Variants in SCD5 observed in about 807,000 individuals in gnomAD.
The protein encoded by SCD5 is acyl-CoA-desaturase 4.
Under a neutral mutation model 30.4 loss-of-function variants are expected in SCD5, and 20 were observed. The ratio of observed to expected loss-of-function variants is 0.66; its 90% confidence interval spans 0.46 to 0.96. The LOEUF is 0.96. SCD5 is among the 40% of genes least tolerant of loss of function. SCD5 has a pLI of 0.00. For missense variants in SCD5, 381 were observed against 443.3 expected, an observed-to-expected ratio of 0.86 and a Z score of 1.26; for synonymous variants, 173 against 176.4, an observed-to-expected ratio of 0.98 and a Z score of 0.16.
intron 3 of SCD5, among the ~76,000 whole-genome samples, chr4:82,676,114 T>A (rs1245816046): frequency 6.6e-6 from 1 of 152,140 alleles, no homozygotes; most frequent in African/African-American, 2.4e-5. Flanking sequence ...GCCTCCCTGA[T>A]TCCCCTTCTG....
chr4:82,712,280 A>T (rs1176047853), intron 1 of SCD5, among the ~76,000 whole-genome samples: 1 of 46,562 alleles, frequency 2.1e-5, no homozygotes, highest in African/African-American at 1.2e-4. Flanking sequence ...ATATATATAT[A>T]TATATATATA....
At chr4:82,642,041 C>T (rs910998751) in intron 3 of SCD5, among the ~76,000 whole-genome samples, 3 of 151,946 alleles carry the variant, frequency 2.0e-5, no homozygotes, top group Non-Finnish European at 4.4e-5. Context: ...TGAGATGTGC[C>T]CTAGAGAGAG....
intron 1 of SCD5, among the ~76,000 whole-genome samples, chr4:82,706,924 AG>A (rs1364871964): frequency 8.5e-5 from 13 of 152,254 alleles, no homozygotes; most frequent in Non-Finnish European, 1.9e-4. Flanking sequence ...AGCTCTTGGG[AG>A]GAAACCAACC....
At chr4:82,654,896 T>C (rs1052060033) in intron 3 of SCD5, among the ~76,000 whole-genome samples, 4 of 150,320 alleles carry the variant, frequency 2.7e-5, no homozygotes, top group Non-Finnish European at 4.4e-5. Context: ...AAAAGAAACA[T>C]GTAAGACCTA....
At chr4:82,785,974 G>T (rs768393704) in intron 1 of SCD5, among the ~76,000 whole-genome samples, 1 of 152,088 alleles carries the variant, frequency 6.6e-6, no homozygotes, top group Non-Finnish European at 1.5e-5. Context: ...CTATTAGAGG[G>T]GTGGGTTGAT....
chr4:82,711,323 G>A (rs533810998), intron 1 of SCD5, among the ~76,000 whole-genome samples: 47 of 147,606 alleles, frequency 3.2e-4, no homozygotes, highest in Non-Finnish European at 4.9e-4. Flanking sequence ...ACATTATTGG[G>A]TGTTGCAACC....
In SCD5 at chr4:82,795,383, TG is replaced by T. The variant is rs1453238687; in HGVS notation, c.232+2922del. On this transcript the variant is annotated intron_variant, in intron 1 of 4. Transcript: ENST00000319540. The stretch of plus-strand genomic sequence containing the variant: ...GGAGGTGGTGAAAAAGGGCCTTCAG[TG>T]GGGGGAAATTTGTGGATCAAGGCAC... Among the ~76,000 whole-genome samples, 4 of 152,098 alleles carry T rather than the reference TG, an allele frequency of 2.6e-5. No homozygotes were observed. The East Asian group carries it at 5.8e-4, about 22-fold the overall frequency.
At chr4:82,684,709 C>A (rs1014207314) in intron 2 of SCD5, among the ~76,000 whole-genome samples, 2 of 152,110 alleles carry the variant, frequency 1.3e-5, no homozygotes, top group Non-Finnish European at 2.9e-5. Flanking sequence ...GAATGGAGAT[C>A]AACTGTACTG....
intron 1 of SCD5, among the ~76,000 whole-genome samples, chr4:82,760,796 T>C (rs1325346180): frequency 6.6e-6 from 1 of 152,224 alleles, no homozygotes; most frequent in Non-Finnish European, 1.5e-5. Context: ...CCACCTTGTA[T>C]GGCAATTCAT....
intron 1 of SCD5, among the ~76,000 whole-genome samples, chr4:82,759,641 C>G (rs1195358133): frequency 7.8e-6 from 1 of 128,384 alleles, no homozygotes; most frequent in Non-Finnish European, 1.7e-5. Flanking sequence ...CAGCAAGAAC[C>G]CCGTCTTAAA....
rs1451576309 is a variant in SCD5, at chr4:82,798,794, G to A, written c.-257C>T. The A allele has an allele frequency of 4.6e-6, 2 of 432,048 alleles. No homozygotes were observed. Among genetic ancestry groups the A allele is most frequent in the Admixed American group, 4.5e-5 (1 of 22,332 alleles). 26.8% of individuals were successfully genotyped at this position (432,048 alleles called of 1,614,324 possible). ...GGCTGCCCGGGCTGAACTCGGCCGC[G>A]AGAAAGAGGAGGCGCGCGCGGGGCG... On this transcript the variant is annotated 5_prime_UTR_variant, in exon 1 of 5. Transcript: ENST00000319540.
chr4:82,762,740 C>T (rs1381960326), intron 1 of SCD5, among the ~76,000 whole-genome samples: 1 of 152,146 alleles, frequency 6.6e-6, no homozygotes, highest in African/African-American at 2.4e-5. Context: ...TCTGAAGAAA[C>T]AACATTGTTT....
At chr4:82,692,850 G>A (rs1719589002) in intron 2 of SCD5, among the ~76,000 whole-genome samples, 1 of 152,180 alleles carries the variant, frequency 6.6e-6, no homozygotes, top group South Asian at 2.1e-4. Flanking sequence ...TCAAATCCTG[G>A]CCCCAACCTC....
Position 82,702,130 on chromosome 4 carries a change from C to CTTTTTTTTTTTTTTTT in SCD5, c.363+3137_363+3152dup, listed in dbSNP as rs10701664. 3.3e-4 allele frequency among the ~76,000 whole-genome samples: 21 copies of CTTTTTTTTTTTTTTTT among 64,114 alleles called. 2 individuals are homozygous for CTTTTTTTTTTTTTTTT. Among genetic ancestry groups the CTTTTTTTTTTTTTTTT allele is most frequent in the East Asian group, 8.7e-4 (1 of 1,146 alleles). 42.1% of individuals were successfully genotyped at this position (64,114 alleles called of 152,430 possible). Reference sequence around the variant, plus strand: ...TCAGGCATTCCTGCCCCATCATCATCTTTTTTTTTTTTTTTTTTTTTTTTT... The same window carrying CTTTTTTTTTTTTTTTT: ...TCAGGCATTCCTGCCCCATCATCATCTTTTTTTTTTTTTTTTTTTTTTTTTTTTTTTTTTTTTTTTT... On this transcript the variant is annotated intron_variant, in intron 2 of 4. Coordinates refer to ENST00000319540, the MANE Select transcript of SCD5 (RefSeq NM_001037582.3).
At chr4:82,644,535 T>C (rs1727601958) in intron 3 of SCD5, among the ~76,000 whole-genome samples, 1 of 152,222 alleles carries the variant, frequency 6.6e-6, no homozygotes. Context: ...AACTGAATGA[T>C]ATTTTGGTTA....
chr4:82,666,885 C>T (rs1183974234), intron 3 of SCD5, among the ~76,000 whole-genome samples: 2 of 151,886 alleles, frequency 1.3e-5, no homozygotes, highest in African/African-American at 4.8e-5. Context: ...ACAGAGTTAT[C>T]GAAAGGATAA....
At chr4:82,758,670 G>A (rs1721280923) in intron 1 of SCD5, among the ~76,000 whole-genome samples, 1 of 152,114 alleles carries the variant, frequency 6.6e-6, no homozygotes, top group Non-Finnish European at 1.5e-5. Flanking sequence ...GGGTCAGCGG[G>A]ACAGGATTTT....
In SCD5 at chr4:82,629,866, T is replaced by G. The variant is rs1251991191; in HGVS notation, c.*1461A>C. ...TTTTAATCCAGAAGCTACATAATGATCACTTTATATTTTGCTACAAAATTA... is the reference window on the plus strand; with the variant it reads ...TTTTAATCCAGAAGCTACATAATGAGCACTTTATATTTTGCTACAAAATTA... On this transcript the variant is annotated 3_prime_UTR_variant, in exon 5 of 5. Transcript: ENST00000319540. The G allele has an allele frequency of 2.6e-5, 4 of 152,104 alleles. No individual in the cohort carries two copies. Among genetic ancestry groups the G allele is most frequent in the African/African-American group, 9.7e-5 (4 of 41,408 alleles). The allele number at this position is 152,104 out of a possible 1,614,324, so 9.4% of individuals were successfully genotyped here. A position where few individuals can be genotyped will look rare whatever the true frequency, so the allele number is the denominator to read the frequency against.
intron 1 of SCD5, among the ~76,000 whole-genome samples, chr4:82,742,086 A>AT (rs1245094419): frequency 6.6e-6 from 1 of 152,038 alleles, no homozygotes; most frequent in Non-Finnish European, 1.5e-5. Flanking sequence ...CTCAAAAAAA[A>AT]AAAAAAAAGA....
Sources: gnomAD v4.1 joint callset for allele counts (sites outside exome capture counted in the v4.1 genomes callset) on GRCh38, gnomAD v4.1.1 for gene constraint, MANE v1.5 for transcripts, NCBI Gene and HGNC (gene_info 2026-07-23, HGNC 2026-07-21) for gene names.